HTR1F: variants seen among roughly 807,000 people sequenced by gnomAD.
HTR1F encodes 5-hydroxytryptamine (serotonin) receptor 1F, G protein-coupled.
In HTR1F, 17 loss-of-function variants were observed where a neutral mutation model predicts 24.0. The observed-to-expected ratio is 0.71, with a 90% CI of 0.48 to 1.06. The LOEUF (loss-of-function observed/expected upper bound fraction) is 1.06, where lower values mean the gene tolerates loss of function less well. Ranked by LOEUF, HTR1F falls within the 50% of genes least tolerant of loss-of-function variation. The pLI, the probability that HTR1F is intolerant of heterozygous loss-of-function variation, is 0.00. For synonymous variants in HTR1F, 186 were observed against 156.8 expected (o/e 1.19, Z -1.39); for missense variants, 391 against 427.8 (o/e 0.91, Z 0.76).
intron 2 of HTR1F, among the ~76,000 whole-genome samples, chr3:87,926,013 C>A (rs1329732735): frequency 6.6e-6 from 1 of 152,184 alleles, no homozygotes; most frequent in East Asian, 1.9e-4. Flanking sequence ...AATCAGCTAT[C>A]TTGATGACAT....
chr3:87,837,703 T>A (rs1183215398), intron 2 of HTR1F, among the ~76,000 whole-genome samples: 1 of 152,050 alleles, frequency 6.6e-6, no homozygotes. Context: ...ATATATTATA[T>A]AATGTGTGAC....
At chr3:87,974,365 T>C (rs547491991) in intron 2 of HTR1F, among the ~76,000 whole-genome samples, 4 of 152,330 alleles carry the variant, frequency 2.6e-5, no homozygotes, top group Admixed American at 6.5e-5. Context: ...AAGAGAACAA[T>C]TTTTCCATAG....
At chr3:87,923,263 A>G (rs1704050693) in intron 2 of HTR1F, among the ~76,000 whole-genome samples, 1 of 151,944 alleles carries the variant, frequency 6.6e-6, no homozygotes, top group Admixed American at 6.6e-5. Flanking sequence ...TGTGGTTTCC[A>G]TATGAATTTT....
chr3:87,914,107 C>T (rs1300475011), intron 2 of HTR1F, among the ~76,000 whole-genome samples: 2 of 152,092 alleles, frequency 1.3e-5, no homozygotes, highest in Non-Finnish European at 1.5e-5. Context: ...GCCTACATTA[C>T]AAGGGAAGAT....
chr3:87,841,192 A>T (rs1361808488), intron 2 of HTR1F, among the ~76,000 whole-genome samples: 1 of 151,924 alleles, frequency 6.6e-6, no homozygotes, highest in African/African-American at 2.4e-5. Context: ...CCCCATAAAT[A>T]TATAATTATT....
chr3:87,827,254 G>A (rs925234658), intron 2 of HTR1F, among the ~76,000 whole-genome samples: 13 of 150,528 alleles, frequency 8.6e-5, no homozygotes, highest in East Asian at 1.9e-4. Flanking sequence ...CCCTCTCCCC[G>A]CAACCCCCAA....
At chr3:87,984,108 T>C (rs1705609949) in intron 2 of HTR1F, among the ~76,000 whole-genome samples, 1 of 152,244 alleles carries the variant, frequency 6.6e-6, no homozygotes, top group South Asian at 2.1e-4. Context: ...TTGCAGTAAG[T>C]AGGTAGCACA....
intron 1 of HTR1F, among the ~76,000 whole-genome samples, chr3:87,795,790 A>G (rs780006806): frequency 6.6e-5 from 10 of 152,210 alleles, no homozygotes; most frequent in Non-Finnish European, 1.5e-4. Context: ...TCTGAAACAG[A>G]CATGATCCTT....
chr3:87,907,638 C>A (rs1479752527), intron 2 of HTR1F, among the ~76,000 whole-genome samples: 2 of 151,944 alleles, frequency 1.3e-5, no homozygotes, highest in African/African-American at 4.8e-5. Flanking sequence ...AACCACAAGA[C>A]AGACTCTTTT....
intron 2 of HTR1F, among the ~76,000 whole-genome samples, chr3:87,844,448 G>A (rs1318135767): frequency 1.2e-4 from 16 of 134,282 alleles, no homozygotes; most frequent in Non-Finnish European, 1.8e-4. Context: ...AGATGAGTAG[G>A]TTGCGAAAAT....
At chr3:87,882,366 C>G (rs1283763270) in intron 2 of HTR1F, among the ~76,000 whole-genome samples, 1 of 152,042 alleles carries the variant, frequency 6.6e-6, no homozygotes, top group Non-Finnish European at 1.5e-5. Flanking sequence ...GGTATATACC[C>G]AAAGGACTAT....
At chr3:87,812,877 C>T (rs1559591676) in intron 1 of HTR1F, among the ~76,000 whole-genome samples, 1 of 152,208 alleles carries the variant, frequency 6.6e-6, no homozygotes, top group Non-Finnish European at 1.5e-5. Flanking sequence ...TTGGTGGCTT[C>T]TACATGGTGC....
At chr3:87,845,014 CT>C (rs1173161276) in intron 2 of HTR1F, among the ~76,000 whole-genome samples, 10 of 151,720 alleles carry the variant, frequency 6.6e-5, no homozygotes, top group African/African-American at 1.2e-4. Flanking sequence ...CAGAAAAGGC[CT>C]TTGACAAAAT....
chr3:87,964,918 T>C (rs1705132502), intron 2 of HTR1F, among the ~76,000 whole-genome samples: 1 of 152,126 alleles, frequency 6.6e-6, no homozygotes, highest in Non-Finnish European at 1.5e-5. Context: ...GCTGTTCTCA[T>C]GATAGTGAAT....
At chr3:87,907,105 T>C (rs1171287338) in intron 2 of HTR1F, among the ~76,000 whole-genome samples, 1 of 152,026 alleles carries the variant, frequency 6.6e-6, no homozygotes, top group African/African-American at 2.4e-5. Context: ...CTTTAAGGAA[T>C]CTCCATACTG....
At chr3:87,940,939 A>T (rs1165661225) in intron 2 of HTR1F, among the ~76,000 whole-genome samples, 3 of 152,184 alleles carry the variant, frequency 2.0e-5, no homozygotes, top group African/African-American at 7.2e-5. Context: ...AGACACTAAG[A>T]CTGCTACTGC....
chr3:87,815,170 A>G (rs1200191366), intron 1 of HTR1F, among the ~76,000 whole-genome samples: 6 of 152,120 alleles, frequency 3.9e-5, no homozygotes, highest in Non-Finnish European at 7.4e-5. Context: ...GAATTCATGA[A>G]AGAAAATAAC....
intron 2 of HTR1F, among the ~76,000 whole-genome samples, chr3:87,950,547 G>A (rs1251720298): frequency 1.4e-5 from 2 of 147,288 alleles, no homozygotes; most frequent in East Asian, 2.0e-4. Flanking sequence ...CCTCAATAAT[G>A]ATAGTGTCAA....
intron 2 of HTR1F, among the ~76,000 whole-genome samples, chr3:87,856,836 G>A (rs576345922): frequency 8.5e-5 from 13 of 152,066 alleles, no homozygotes; most frequent in Admixed American, 7.9e-4. Context: ...GAAATAAAAG[G>A]CATATAACCT....
Sources: gnomAD v4.1 joint callset for allele counts (sites outside exome capture counted in the v4.1 genomes callset) on GRCh38, gnomAD v4.1.1 for gene constraint, MANE v1.5 for transcripts, NCBI Gene and HGNC (gene_info 2026-07-23, HGNC 2026-07-21) for gene names.